The following COL4A3 variants were observed in gnomAD, a reference collection of about 807,000 sequenced individuals.
COL4A3 encodes collagen alpha-3(IV) chain.
In COL4A3, 135 loss-of-function variants were observed where a neutral mutation model predicts 217.4. The observed-to-expected ratio is 0.62, with a 90% confidence interval of 0.54 to 0.72. The LOEUF (loss-of-function observed/expected upper bound fraction) is 0.72, where lower values mean the gene tolerates loss of function less well. Ranked by LOEUF, COL4A3 falls within the 30% of genes least tolerant of loss-of-function variation. The probability of loss-of-function intolerance (pLI) is 0.00; values close to 1 mark genes in which losing one functional copy is unlikely to be tolerated. For synonymous variants in COL4A3, 690 were observed against 736.3 expected (o/e 0.94, Z 1.02); for missense variants, 1,868 against 2,119.9 (o/e 0.88, Z 2.33).
At position 227,237,969 on chromosome 2, in the gene COL4A3, G is replaced by T; in HGVS notation, c.89G>T (p.Gly30Val). The change falls in exon 2 of 52, where the codon GGT (glycine) becomes GTT (valine). Residue 30 changes from glycine to valine, a missense_variant and splice_region_variant. Gly to Val is a moderately radical substitution (Grantham distance 109). Coordinates refer to ENST00000396578, the MANE Select transcript of COL4A3 (RefSeq NM_000091.5). ...CCCTTTCTCTTTCCCTCTTCCTAGG[G>T]TTGTGTCTGTAAAGACAAAGGCCAG... ...LLAAAPAASKGCVCKDKGQCF... is the reference protein window; with the variant it reads ...LLAAAPAASKVCVCKDKGQCF... 2 of 1,609,332 alleles carry T rather than the reference G, an allele frequency of 1.2e-6. No individual in the cohort carries two copies. The highest frequency in any genetic ancestry group is 1.1e-5 in the South Asian group (1 of 91,018).
chr2:227,170,703 A>T (rs2065445879), intron 1 of COL4A3, among the ~76,000 whole-genome samples: 3 of 152,196 alleles, frequency 2.0e-5, no homozygotes, highest in African/African-American at 7.2e-5. Context: ...GCTAAATAAA[A>T]GCAGTAATAG....
intron 43 of COL4A3, among the ~76,000 whole-genome samples, chr2:227,302,310 G>A (rs1029247699): frequency 1.3e-5 from 2 of 152,168 alleles, no homozygotes; most frequent in African/African-American, 2.4e-5. Flanking sequence ...CTAGCTTAGT[G>A]AGAATGAAGC....
Position 227,228,119 on chromosome 2 carries a change from G to T in COL4A3, c.88-9849G>T, listed in dbSNP as rs114981578. ...AACGGGTGGCTGGCTTACATGTCTA[G>T]ACTAGTGATGTGTCTCTGGACGGGA... On this transcript the variant is annotated intron_variant, in intron 1 of 51. Coordinates refer to ENST00000396578, the MANE Select transcript of COL4A3 (RefSeq NM_000091.5). Among the ~76,000 whole-genome samples, 453 of 152,338 alleles carry T rather than the reference G, an allele frequency of 3.0e-3. 3 individuals carry two copies. Among genetic ancestry groups the T allele is most frequent in the South Asian group, 5.2e-3 (25 of 4,832 alleles).
In COL4A3 at chr2:227,282,301, T is replaced by TATA. The variant is rs1193172222; in HGVS notation, c.2489-64_2489-63insATA. ...ATATATATATATATATATATATATA[T>TATA]TTCTGAAGTTAGTAGGGGAAAGCAT... is the stretch of plus-strand genomic sequence containing the variant. On this transcript the variant is annotated intron_variant, in intron 31 of 51. Coordinates refer to ENST00000396578, the MANE Select transcript of COL4A3 (RefSeq NM_000091.5). The surrounding 1 kb of genome is among the most constrained non-coding windows in gnomAD (Gnocchi z 4.4). 107 of 869,680 alleles carry TATA rather than the reference T, an allele frequency of 1.2e-4. No individual in the cohort carries two copies. Among genetic ancestry groups the TATA allele is most frequent in the Non-Finnish European group, 1.4e-4 (80 of 555,770 alleles). The allele number at this position is 869,680 out of a possible 1,614,324, so 53.9% of individuals were successfully genotyped here. A position where few individuals can be genotyped will look rare whatever the true frequency, so the allele number is the denominator to read the frequency against.
At chr2:227,181,363 C>A (rs372470932) in intron 1 of COL4A3, among the ~76,000 whole-genome samples, 7 of 152,172 alleles carry the variant, frequency 4.6e-5, no homozygotes, top group African/African-American at 1.7e-4. Flanking sequence ...GTGATGCACT[C>A]TTTTACAGAA....
chr2:227,261,208 C>T (rs1351221014), intron 20 of COL4A3, 91 bp downstream of exon 20: 2 of 1,122,578 alleles, frequency 1.8e-6, no homozygotes, highest in African/African-American at 1.6e-5. Flanking sequence ...TTACATAAGA[C>T]AAATGTTTCA....
At position 227,283,850 on chromosome 2, in the gene COL4A3, C is replaced by A. The variant is rs761717909; in HGVS notation, c.2740C>A (p.Gln914Lys). 27 of 1,611,688 alleles carry A rather than the reference C, an allele frequency of 1.7e-5. No homozygotes were observed. Among genetic ancestry groups the A allele is most frequent in the Middle Eastern group, 1.6e-4 (1 of 6,078 alleles). Residue 914 changes from glutamine to lysine, a missense_variant, in exon 33 of 52, where the codon CAG becomes AAG. Physicochemically the swap from Gln to Lys is moderately conservative, Grantham distance 53. Coordinates refer to ENST00000396578, the MANE Select transcript of COL4A3 (RefSeq NM_000091.5). ...GPPGNPGTPG[Q>K]RGSPGIPGVK... is the part of the protein sequence containing the mutation. ...CCCTGGGAACCCAGGCACACCAGGG[C>A]AGAGGGGTAAGTGATAGAGTGTCTT... is the stretch of plus-strand genomic sequence containing the variant.
At position 227,314,469 on chromosome 2, in the gene COL4A3, G is replaced by A. The variant is rs572785774; in HGVS notation, c.*2599G>A. The A allele has an allele frequency of 1.3e-4, 20 of 152,652 alleles. No homozygotes were observed. Among genetic ancestry groups the A allele is most frequent in the South Asian group, 4.1e-4 (2 of 4,832 alleles). 9.5% of individuals were successfully genotyped at this position (152,652 alleles called of 1,614,324 possible). A position where few individuals can be genotyped will look rare whatever the true frequency, so the allele number is the denominator to read the frequency against. On this transcript the variant is annotated 3_prime_UTR_variant, in exon 52 of 52. Coordinates refer to ENST00000396578, the MANE Select transcript of COL4A3 (RefSeq NM_000091.5). ...GGCTTCAACTTTGGAATTTCACAGC[G>A]TGCTAAAATAACAGATTTCTCAGAA...
intron 19 of COL4A3, 131 bp from the exon 20 acceptor site, chr2:227,260,951 G>A: frequency 1.3e-6 from 1 of 746,526 alleles, no homozygotes; most frequent in Non-Finnish European, 2.4e-6. Flanking sequence ...TATTTGTCTA[G>A]GTGAGAGTAG....
chr2:227,235,683 G>C (rs780514572), intron 1 of COL4A3, among the ~76,000 whole-genome samples: 1 of 151,648 alleles, frequency 6.6e-6, no homozygotes, highest in Admixed American at 6.6e-5. Flanking sequence ...GAGAATATGC[G>C]ACGTTTAGTT....
chr2:227,258,319 G>C (rs907478373), intron 18 of COL4A3, among the ~76,000 whole-genome samples: 1 of 152,202 alleles, frequency 6.6e-6, no homozygotes, highest in Non-Finnish European at 1.5e-5. Context: ...AGGGGAAGGG[G>C]TGTCCTGTTA....
At chr2:227,248,554 C>CTGAAT (rs2069497135) in intron 9 of COL4A3, 34 bp downstream of exon 9, 4 of 1,395,812 alleles carry the variant, frequency 2.9e-6, no homozygotes, top group Middle Eastern at 1.8e-4. Context: ...CTATTATTCT[C>CTGAAT]AGTTTTTCAC....
chr2:227,254,528 C>A, intron 14 of COL4A3, 128 bp from the exon 15 acceptor site: 1 of 798,792 alleles, frequency 1.3e-6, no homozygotes. Context: ...AGATTTCTCT[C>A]TTAGATGGCT....
At position 227,244,357 on chromosome 2, in the gene COL4A3, G is replaced by A. The variant is rs1414411811; in HGVS notation, c.272G>A (p.Gly91Asp). Residue 91 changes from glycine to aspartate, a missense_variant, in exon 4 of 52, where the codon GGT becomes GAT. Physicochemically the swap from Gly to Asp is moderately conservative, Grantham distance 94 (BLOSUM62 -1). Around this residue, in one of 2 missense-constraint regions of COL4A3, gnomAD observed 365 missense variants for 333.8 expected, o/e 1.09. Transcript: ENST00000396578. ...PGLPGLTGSK[G>D]VRGISGLPGF... ...CTTCCAGGACTCACGGGTTCCAAAGGTGTAAGGGTTAGTAGTCCAACCAGT... is the reference window on the plus strand; with the variant it reads ...CTTCCAGGACTCACGGGTTCCAAAGATGTAAGGGTTAGTAGTCCAACCAGT... The A allele has an allele frequency of 3.1e-6, 5 of 1,613,792 alleles. No individual in the cohort carries two copies. The highest frequency in any genetic ancestry group is 2.2e-5 in the East Asian group (1 of 44,888).
intron 23 of COL4A3, among the ~76,000 whole-genome samples, 160 bp downstream of exon 23, chr2:227,267,248 A>G (rs2070955480): frequency 6.6e-6 from 1 of 152,194 alleles, no homozygotes; most frequent in African/African-American, 2.4e-5. Flanking sequence ...AGTCAGCCAA[A>G]ATCCAAGAAA....
intron 1 of COL4A3, among the ~76,000 whole-genome samples, chr2:227,212,989 A>G (rs758281139): frequency 6.6e-6 from 1 of 152,206 alleles, no homozygotes; most frequent in Non-Finnish European, 1.5e-5. Context: ...CTCTTGACTC[A>G]ATAATAGCCT....
chr2:227,268,925 T>C (rs2071079277), intron 23 of COL4A3, among the ~76,000 whole-genome samples: 1 of 152,208 alleles, frequency 6.6e-6, no homozygotes, highest in African/African-American at 2.4e-5. Flanking sequence ...TGACCACTTA[T>C]TGCATTGTTG....
chr2:227,251,152 C>T lies in COL4A3; in HGVS notation c.559C>T (p.Pro187Ser). 6.2e-7 allele frequency: 1 copy of T among 1,613,506 alleles called. No individual in the cohort carries two copies. Among genetic ancestry groups the T allele is most frequent in the South Asian group, 1.1e-5 (1 of 91,054 alleles). ...TCTCAATTTCAAGGGTTTGCCAGGC[C>T]CTCCAGGTTTTCCTGGGCCTGTTGG... Reference protein sequence around the residue: ...GAPGPQGLPGPPGFPGPVGPP... With the variant: ...GAPGPQGLPGSPGFPGPVGPP... Residue 187 changes from proline (P) to serine (S), a missense_variant, in exon 10 of 52, where the codon CCT becomes TCT. By Grantham distance (74) the Pro-to-Ser change is moderately conservative. This residue lies in a region of COL4A3 where 365 missense variants were observed against 333.8 expected (regional missense o/e 1.09). Transcript: ENST00000396578.
In COL4A3 at chr2:227,240,278, T is replaced by A. The variant is rs768642231; in HGVS notation, c.234+46T>A. On this transcript the variant is annotated intron_variant, in intron 3 of 51. Transcript: ENST00000396578. ...GGAAAATCCCCAACCCACCTAACCC[T>A]CTTCCTGCCTACCCCCTGGCTGCTG... 7.9e-5 allele frequency: 121 copies of A among 1,525,256 alleles called. 1 individual carries two copies. The East Asian group carries it at 2.9e-3, about 36-fold the overall frequency. The allele number at this position is 1,525,256 out of a possible 1,614,324, so 94.5% of individuals were successfully genotyped here.
Sources: gnomAD v4.1 joint callset for allele counts (sites outside exome capture counted in the v4.1 genomes callset) on GRCh38, gnomAD v4.1.1 for gene constraint, gnomAD v4.1.1 regional missense constraint, Gnocchi (gnomAD v3.1) non-coding constraint, MANE v1.5 for transcripts, NCBI Gene and HGNC (gene_info 2026-07-23, HGNC 2026-07-21) for gene names.